LRRC7: variants seen among roughly 807,000 people sequenced by gnomAD.
The protein encoded by LRRC7 is leucine-rich repeat-containing protein 7.
In LRRC7, 23 loss-of-function variants were observed where a neutral mutation model predicts 175.7. The ratio of observed to expected loss-of-function variants is 0.13; its 90% confidence interval spans 0.09 to 0.19. LRRC7 has a LOEUF of 0.19. LRRC7 is among the 10% of genes least tolerant of loss of function. LRRC7 has a pLI of 1.00. For synonymous variants in LRRC7, 685 were observed against 680.9 expected, an observed-to-expected ratio of 1.01 and a Z score of -0.09; for missense variants, 1,354 against 1,904.7, an observed-to-expected ratio of 0.71 and a Z score of 5.38.
At chr1:69,920,970 A>C (rs992298211) in intron 7 of LRRC7, among the ~76,000 whole-genome samples, 1 of 152,112 alleles carries the variant, frequency 6.6e-6, no homozygotes, top group African/African-American at 2.4e-5. Flanking sequence ...CTATTCCCCA[A>C]GCCCCTTTCC....
chr1:69,819,793 A>G (rs1679054003), intron 4 of LRRC7, among the ~76,000 whole-genome samples: 1 of 152,132 alleles, frequency 6.6e-6, no homozygotes, highest in Non-Finnish European at 1.5e-5. Context: ...TTATCATTAT[A>G]TAATTACCCT....
At chr1:69,594,616 C>G (rs1185066677) in intron 1 of LRRC7, among the ~76,000 whole-genome samples, 3 of 152,146 alleles carry the variant, frequency 2.0e-5, no homozygotes, top group Non-Finnish European at 4.4e-5. Flanking sequence ...AAGTCTCGTC[C>G]ATACTCCATC....
intron 1 of LRRC7, among the ~76,000 whole-genome samples, chr1:69,621,921 G>A (rs984375416): frequency 6.6e-6 from 1 of 152,032 alleles, no homozygotes; most frequent in Non-Finnish European, 1.5e-5. Context: ...CTTTCCCAAA[G>A]CTTTACCAGA....
chr1:69,984,142 T>G (rs1272086199), intron 9 of LRRC7, among the ~76,000 whole-genome samples: 2 of 152,074 alleles, frequency 1.3e-5, no homozygotes, highest in Non-Finnish European at 2.9e-5. Flanking sequence ...GTCAGGCTGG[T>G]CTCAAACTCC....
At chr1:69,821,171 G>A (rs113844979) in intron 4 of LRRC7, among the ~76,000 whole-genome samples, 1 of 152,206 alleles carries the variant, frequency 6.6e-6, no homozygotes, top group South Asian at 2.1e-4. Flanking sequence ...CTTTAAATAA[G>A]TGTTATGTAC....
chr1:70,079,920 C>A (rs946617231), intron 24 of LRRC7, among the ~76,000 whole-genome samples: 1 of 152,110 alleles, frequency 6.6e-6, no homozygotes, highest in Admixed American at 6.6e-5. Context: ...ATCTTATTTT[C>A]TTTTTACAAG....
At chr1:69,901,722 TA>T (rs908852078) in intron 7 of LRRC7, among the ~76,000 whole-genome samples, 55 of 152,144 alleles carry the variant, frequency 3.6e-4, no homozygotes, top group Admixed American at 1.2e-3. Flanking sequence ...AGAACTTTAT[TA>T]AAAAAAACTA....
intron 2 of LRRC7, among the ~76,000 whole-genome samples, chr1:69,726,835 A>G (rs1363105448): frequency 1.3e-5 from 2 of 152,212 alleles, no homozygotes; most frequent in Non-Finnish European, 2.9e-5. Context: ...TGCAAAGAAA[A>G]GAAAGTCTGA....
intron 11 of LRRC7, among the ~76,000 whole-genome samples, chr1:70,002,471 C>T (rs1467470704): frequency 6.6e-6 from 1 of 152,172 alleles, no homozygotes; most frequent in Non-Finnish European, 1.5e-5. Flanking sequence ...ATATCAGTCT[C>T]ATGTTTATCT....
At chr1:69,590,116 A>T (rs1039114822) in intron 1 of LRRC7, among the ~76,000 whole-genome samples, 1 of 151,988 alleles carries the variant, frequency 6.6e-6, no homozygotes, top group Admixed American at 6.6e-5. Context: ...TTTTCTGTTC[A>T]TAATATTATT....
chr1:69,761,653 T>C (rs1216945311), intron 3 of LRRC7, among the ~76,000 whole-genome samples: 1 of 152,004 alleles, frequency 6.6e-6, no homozygotes, highest in East Asian at 1.9e-4. Flanking sequence ...CTACATGGAT[T>C]CACACTAGGA....
chr1:69,603,006 A>G (rs1228711627), intron 1 of LRRC7, among the ~76,000 whole-genome samples: 2 of 152,216 alleles, frequency 1.3e-5, no homozygotes, highest in Non-Finnish European at 2.9e-5. Context: ...GGTTCACACA[A>G]TAACAAAATT....
Position 69,781,751 on chromosome 1 carries a change from G to A in LRRC7, c.304-10292G>A, listed in dbSNP as rs1481354074. On this transcript the variant is annotated intron_variant, in intron 3 of 26. Coordinates refer to ENST00000651989, the MANE Select transcript of LRRC7 (RefSeq NM_001370785.2). The stretch of plus-strand genomic sequence containing the variant: ...AGAAAGAAAGAGAGAGAGAGAGAGA[G>A]AGAGAGAGAGAGAGAAAGAAAGAAA... 2.8e-3 allele frequency among the ~76,000 whole-genome samples: 125 copies of A among 43,876 alleles called. 9 individuals are homozygous for A. Among genetic ancestry groups the A allele is most frequent in the East Asian group, 8.3e-3 (8 of 966 alleles). The allele number at this position is 43,876 out of a possible 152,430, so 28.8% of individuals were successfully genotyped here. A position where few individuals can be genotyped will look rare whatever the true frequency, so the allele number is the denominator to read the frequency against.
intron 7 of LRRC7, among the ~76,000 whole-genome samples, chr1:69,902,884 G>T (rs74084557): frequency 2.0e-5 from 3 of 152,086 alleles, no homozygotes; most frequent in African/African-American, 4.8e-5. Flanking sequence ...ATTAGACTTC[G>T]TGTCTTTTAC....
chr1:69,872,124 C>G (rs1012795858), intron 7 of LRRC7, among the ~76,000 whole-genome samples: 3 of 152,026 alleles, frequency 2.0e-5, no homozygotes, highest in South Asian at 4.1e-4. Flanking sequence ...TTCAACCATC[C>G]TTTAATATTC....
At chr1:69,958,597 A>C (rs948137142) in intron 8 of LRRC7, among the ~76,000 whole-genome samples, 10 of 152,046 alleles carry the variant, frequency 6.6e-5, no homozygotes, top group African/African-American at 2.4e-4. Context: ...TGTATAGGAA[A>C]TAAGTCCAGA....
intron 7 of LRRC7, among the ~76,000 whole-genome samples, chr1:69,917,843 A>C (rs571192906): frequency 1.3e-5 from 2 of 152,192 alleles, no homozygotes; most frequent in African/African-American, 4.8e-5. Context: ...TATTGCATAT[A>C]TAAGATTATG....
chr1:70,010,595 A>C (rs982525473), intron 11 of LRRC7, among the ~76,000 whole-genome samples: 2 of 152,156 alleles, frequency 1.3e-5, no homozygotes, highest in African/African-American at 4.8e-5. Context: ...TTCTAATTCT[A>C]CAACCTTACT....
At chr1:69,925,847 T>G (rs1647054612) in intron 7 of LRRC7, among the ~76,000 whole-genome samples, 1 of 144,218 alleles carries the variant, frequency 6.9e-6, no homozygotes, top group South Asian at 2.2e-4. Context: ...TGCTAGCTTT[T>G]GAATGTGTTT....
Sources: gnomAD v4.1 joint callset for allele counts (sites outside exome capture counted in the v4.1 genomes callset) on GRCh38, gnomAD v4.1.1 for gene constraint, MANE v1.5 for transcripts, NCBI Gene and HGNC (gene_info 2026-07-23, HGNC 2026-07-21) for gene names.